ZFAND3: variants seen among roughly 807,000 people sequenced by gnomAD.
ZFAND3 encodes the protein AN1-type zinc finger protein 3.
A neutral mutation model predicts 29.6 loss-of-function variants in ZFAND3; 10 were observed. The observed-to-expected ratio is 0.34, with a 90% CI of 0.21 to 0.57. The LOEUF is 0.57. Ranked by LOEUF, ZFAND3 falls within the 20% of genes least tolerant of loss-of-function variation. The pLI, the probability that ZFAND3 is intolerant of heterozygous loss-of-function variation, is 0.86. For missense variants in ZFAND3, 230 were observed against 304.5 expected (o/e 0.76, Z 1.82); for synonymous variants, 128 against 112.6 (o/e 1.14, Z -0.87).
chr6:38,132,164 G>A (rs1030912835), intron 5 of ZFAND3, among the ~76,000 whole-genome samples: 4 of 152,194 alleles, frequency 2.6e-5, no homozygotes, highest in African/African-American at 9.7e-5. Flanking sequence ...TTGGGGAAGG[G>A]TGTACTTGCA....
intron 1 of ZFAND3, among the ~76,000 whole-genome samples, chr6:37,887,426 AT>A (rs1765015255): frequency 6.6e-6 from 1 of 152,214 alleles, no homozygotes. Flanking sequence ...AAAGAAATAT[AT>A]TTTAAACAAG....
At chr6:38,141,929 G>A (rs73734307) in intron 5 of ZFAND3, among the ~76,000 whole-genome samples, 1,883 of 152,292 alleles carry the variant, frequency 0.012, 38 homozygotes, top group African/African-American at 0.038. Context: ...TCACAGGCAC[G>A]GTTTTCATTT....
intron 2 of ZFAND3, among the ~76,000 whole-genome samples, chr6:38,007,347 C>T (rs1199098371): frequency 6.6e-6 from 1 of 152,050 alleles, no homozygotes; most frequent in Non-Finnish European, 1.5e-5. Flanking sequence ...ATCGCTTGAG[C>T]TCAGGAGTTC....
intron 5 of ZFAND3, 50 bp from the exon 6 acceptor site, chr6:38,152,185 T>G: frequency 1.4e-6 from 2 of 1,457,816 alleles, no homozygotes; most frequent in Non-Finnish European, 1.8e-6. Flanking sequence ...CTCTGCGCAC[T>G]TGGAGGCCAC....
rs34072361 is a variant in ZFAND3 at position 37,860,178 on chromosome 6, G to GTT, written c.71+40179_71+40180dup. The stretch of plus-strand genomic sequence containing the variant: ...GAACCACCGTGCCAGGCCAAAAAGA[G>GTT]TTTTTTTTTTTTTTTTTTGGAATGT... On this transcript the variant is annotated intron_variant, in intron 1 of 5. Coordinates refer to ENST00000287218, the MANE Select transcript of ZFAND3 (RefSeq NM_021943.3). Among the ~76,000 whole-genome samples the GTT allele has an allele frequency of 6.2e-4, 76 of 122,798 alleles. 1 individual carries two copies. Among genetic ancestry groups the GTT allele is most frequent in the South Asian group, 1.3e-3 (5 of 3,792 alleles). 80.6% of individuals were successfully genotyped at this position (122,798 alleles called of 152,430 possible). A position where few individuals can be genotyped will look rare whatever the true frequency, so the allele number is the denominator to read the frequency against.
chr6:37,901,630 A>C (rs1765320144), intron 1 of ZFAND3, among the ~76,000 whole-genome samples: 1 of 152,166 alleles, frequency 6.6e-6, no homozygotes, highest in South Asian at 2.1e-4. Context: ...TAACAACAAA[A>C]AAAGGATGTG....
chr6:37,883,036 T>C (rs1383533531), intron 1 of ZFAND3, among the ~76,000 whole-genome samples: 1 of 152,134 alleles, frequency 6.6e-6, no homozygotes, highest in African/African-American at 2.4e-5. Context: ...CTGGGCAACA[T>C]AGTGAGACCC....
chr6:37,982,142 G>A (rs536173349), intron 2 of ZFAND3, among the ~76,000 whole-genome samples: 8 of 151,680 alleles, frequency 5.3e-5, no homozygotes, highest in Non-Finnish European at 1.2e-4. Flanking sequence ...TTTGAGTTCT[G>A]TCTTCTGTCT....
At chr6:37,834,096 G>T (rs1008807830) in intron 1 of ZFAND3, among the ~76,000 whole-genome samples, 19 of 152,164 alleles carry the variant, frequency 1.2e-4, no homozygotes, top group African/African-American at 4.3e-4. Context: ...AATGTGTAAT[G>T]AATCTACCAT....
intron 4 of ZFAND3, among the ~76,000 whole-genome samples, chr6:38,104,615 C>T (rs1222797607): frequency 6.6e-6 from 1 of 152,122 alleles, no homozygotes; most frequent in Non-Finnish European, 1.5e-5. Flanking sequence ...TATATGACTA[C>T]AGTCCACAGA....
intron 1 of ZFAND3, among the ~76,000 whole-genome samples, chr6:37,895,424 T>G (rs1765181617): frequency 6.7e-6 from 1 of 149,440 alleles, no homozygotes; most frequent in African/African-American, 2.4e-5. Flanking sequence ...AACTTCGGCC[T>G]TCTGGGTTCA....
chr6:38,047,014 T>C (rs1034598802), intron 2 of ZFAND3, among the ~76,000 whole-genome samples: 1 of 152,034 alleles, frequency 6.6e-6, no homozygotes, highest in African/African-American at 2.4e-5. Flanking sequence ...TAATTAGTAA[T>C]GGCTATATGT....
At chr6:37,921,824 T>A (rs978977082) in intron 1 of ZFAND3, among the ~76,000 whole-genome samples, 33 of 151,506 alleles carry the variant, frequency 2.2e-4, no homozygotes, top group Non-Finnish European at 3.8e-4. Flanking sequence ...GGCAGGTAGA[T>A]TGCTTGAGCT....
intron 2 of ZFAND3, among the ~76,000 whole-genome samples, chr6:38,055,255 T>G (rs1028497149): frequency 6.6e-6 from 1 of 152,172 alleles, no homozygotes; most frequent in African/African-American, 2.4e-5. Context: ...AACTAAAGCT[T>G]CTGGTGGGTG....
chr6:38,018,712 C>G (rs1035419373), intron 2 of ZFAND3, among the ~76,000 whole-genome samples: 1 of 152,020 alleles, frequency 6.6e-6, no homozygotes, highest in Non-Finnish European at 1.5e-5. Flanking sequence ...TAGATTACCC[C>G]CTCCTAGGCT....
chr6:37,902,635 A>C (rs1292949691), intron 1 of ZFAND3, among the ~76,000 whole-genome samples: 1 of 152,150 alleles, frequency 6.6e-6, no homozygotes, highest in Admixed American at 6.5e-5. Flanking sequence ...AATAGCTGTA[A>C]TCATGAATTA....
chr6:38,097,870 G>A (rs1050110391), intron 4 of ZFAND3, among the ~76,000 whole-genome samples: 1 of 152,160 alleles, frequency 6.6e-6, no homozygotes, highest in East Asian at 1.9e-4. Flanking sequence ...ATTGGAGAAT[G>A]CAGACATGGA....
At chr6:38,139,762 T>TCGGAAAAAA (rs1765911746) in intron 5 of ZFAND3, among the ~76,000 whole-genome samples, 1 of 152,196 alleles carries the variant, frequency 6.6e-6, no homozygotes, top group Non-Finnish European at 1.5e-5. Flanking sequence ...TAAAGGAAGC[T>TCGGAAAAAA]GTTGCAGTAG....
chr6:37,923,145 C>A (rs1187846372), intron 1 of ZFAND3, among the ~76,000 whole-genome samples: 1 of 152,190 alleles, frequency 6.6e-6, no homozygotes, highest in Non-Finnish European at 1.5e-5. Flanking sequence ...TTGACAGAGT[C>A]TCACTCTGTT....
Sources: allele counts gnomAD v4.1 joint callset (sites outside exome capture counted in the v4.1 genomes callset), GRCh38; gene constraint gnomAD v4.1.1; transcripts MANE v1.5; gene names NCBI Gene and HGNC (gene_info 2026-07-23, HGNC 2026-07-21).